ACOT9: variants seen among roughly 807,000 people sequenced by gnomAD.
ACOT9 encodes acyl-coenzyme A thioesterase 9, mitochondrial.
Under a neutral mutation model 39.7 loss-of-function variants are expected in ACOT9, and 34 were observed. That is an observed-to-expected ratio of 0.86 (90% CI 0.65 to 1.14). The LOEUF (loss-of-function observed/expected upper bound fraction) is 1.14. Among genes scored for constraint, ACOT9 ranks in the 50% most tolerant of loss-of-function variants. The pLI is 0.00. For missense variants in ACOT9, 313 were observed against 344.1 expected, an observed-to-expected ratio of 0.91 and a Z score of 0.71; for synonymous variants, 110 against 120.5, an observed-to-expected ratio of 0.91 and a Z score of 0.57.
intron 4 of ACOT9, among the ~76,000 whole-genome samples, chrX:23,731,823 CAT>C (rs1013588114): frequency 7.3e-5 from 8 of 109,043 alleles, no homozygotes; most frequent in African/African-American, 2.7e-4. Flanking sequence ...TAAAGAAGAA[CAT>C]AACATGAAAA....
intron 1 of ACOT9, 62 bp downstream of exon 1, chrX:23,743,063 G>A (rs1920996995): frequency 9.0e-7 from 1 of 1,111,142 alleles, no homozygotes; most frequent in Non-Finnish European, 1.2e-6. Context: ...CGAAGCTCTA[G>A]GGGAAGACGA....
chrX:23,710,370 G>T (rs909776434), intron 9 of ACOT9, among the ~76,000 whole-genome samples: 2 of 111,628 alleles, frequency 1.8e-5, no homozygotes, highest in African/African-American at 6.5e-5. Context: ...TCCAGGCCTG[G>T]GGCAGGAAAT....
At chrX:23,730,674 T>G in intron 5 of ACOT9, 110 bp from the exon 6 acceptor site, 1 of 957,685 alleles carries the variant, frequency 1.0e-6, no homozygotes, top group Non-Finnish European at 1.5e-6. Context: ...ACTGTGGTGA[T>G]GGATGCACAA....
intron 10 of ACOT9, 58 bp downstream of exon 10, chrX:23,707,819 T>C (rs1411500627): frequency 5.7e-6 from 5 of 880,096 alleles, no homozygotes; most frequent in Non-Finnish European, 6.4e-6. Flanking sequence ...AATAATCTCT[T>C]CTGCAGCGTA....
intron 8 of ACOT9, 73 bp from the exon 9 acceptor site, chrX:23,713,281 G>A (rs1250351642): frequency 3.4e-6 from 3 of 893,756 alleles, no homozygotes; most frequent in African/African-American, 2.0e-5. Context: ...GATTCTAACA[G>A]ACGGTATGTA....
At chrX:23,730,090 C>T (rs900356760) in intron 6 of ACOT9, among the ~76,000 whole-genome samples, 4 of 62,924 alleles carry the variant, frequency 6.4e-5, no homozygotes, top group Non-Finnish European at 8.1e-5. Context: ...GTAGTAGATG[C>T]CATTTTTTTT....
chrX:23,719,819 C>A (rs1023970114), intron 8 of ACOT9, among the ~76,000 whole-genome samples: 7 of 103,068 alleles, frequency 6.8e-5, no homozygotes, highest in Admixed American at 1.1e-4. Context: ...CTACTCAATA[C>A]CCTGGCATAA....
At chrX:23,716,272 C>T (rs191995337) in intron 8 of ACOT9, among the ~76,000 whole-genome samples, 1 of 112,247 alleles carries the variant, frequency 8.9e-6, no homozygotes, top group African/African-American at 3.2e-5. Context: ...CACTCACTCC[C>T]AGTTGAATAT....
At chrX:23,725,742 A>G (rs1250523714) in intron 6 of ACOT9, among the ~76,000 whole-genome samples, 2 of 108,744 alleles carry the variant, frequency 1.8e-5, no homozygotes, top group African/African-American at 6.7e-5. Context: ...TGCTTGAGCC[A>G]GGAGGTCAAG....
chrX:23,708,314 T>A (rs1458244481), intron 9 of ACOT9, among the ~76,000 whole-genome samples: 3 of 110,946 alleles, frequency 2.7e-5, no homozygotes, highest in African/African-American at 9.8e-5. Flanking sequence ...GGGGATCACC[T>A]GAAGTTGGGA....
chrX:23,735,862 T>C (rs748408497), intron 2 of ACOT9, 57 bp downstream of exon 2: 19 of 1,069,275 alleles, frequency 1.8e-5, no homozygotes, highest in Non-Finnish European at 2.2e-5. Context: ...ACCTTTCAAA[T>C]AAAAGTAAAA....
At chrX:23,731,376 C>A (rs920497682) in intron 4 of ACOT9, among the ~76,000 whole-genome samples, 1 of 108,171 alleles carries the variant, frequency 9.2e-6, no homozygotes, top group Non-Finnish European at 1.9e-5. Context: ...ACTTGGTAGG[C>A]TGAGGCAGGA....
chrX:23,707,464 C>A (rs1482822422), intron 10 of ACOT9, among the ~76,000 whole-genome samples: 2 of 111,557 alleles, frequency 1.8e-5, no homozygotes, highest in Non-Finnish European at 3.8e-5. Context: ...TTGGGCCAGG[C>A]ACAATGGCTC....
intron 2 of ACOT9, among the ~76,000 whole-genome samples, chrX:23,734,913 C>T (rs1929879932): frequency 1.1e-5 from 1 of 93,165 alleles, no homozygotes; most frequent in Non-Finnish European, 2.0e-5. Flanking sequence ...ACCTGGGAGG[C>T]GGAGGTTGCA....
intron 4 of ACOT9, 44 bp from the exon 5 acceptor site, chrX:23,731,030 A>G (rs1337120861): frequency 8.9e-7 from 1 of 1,118,379 alleles, no homozygotes; most frequent in Admixed American, 2.4e-5. Flanking sequence ...GAGCAGTTCT[A>G]GCCCACAATT....
intron 8 of ACOT9, among the ~76,000 whole-genome samples, chrX:23,719,841 A>ATT (rs758925800): frequency 0.12 from 11,963 of 100,811 alleles, 685 homozygotes; most frequent in East Asian, 0.37. Flanking sequence ...TGAATAAGTC[A>ATT]TTTTTTTTTT....
chrX:23,741,027 C>T (rs1930126423), intron 1 of ACOT9, among the ~76,000 whole-genome samples: 1 of 108,705 alleles, frequency 9.2e-6, no homozygotes, highest in African/African-American at 3.4e-5. Context: ...TGCTAAATGA[C>T]GAGTTAATGG....
chrX:23,735,694 G>A (rs1045524133), intron 2 of ACOT9, among the ~76,000 whole-genome samples: 3 of 111,290 alleles, frequency 2.7e-5, no homozygotes, highest in African/African-American at 9.8e-5. Context: ...AAAGAGCTCA[G>A]TCCTCAAGGC....
intron 1 of ACOT9, among the ~76,000 whole-genome samples, chrX:23,742,205 T>TGAGA (rs1490829230): frequency 3.1e-5 from 2 of 65,547 alleles, no homozygotes; most frequent in African/African-American, 7.0e-5. Context: ...CCAGGAACAG[T>TGAGA]GAGTGAGTGA....
Sources: gnomAD v4.1 joint callset for allele counts (sites outside exome capture counted in the v4.1 genomes callset) on GRCh38, gnomAD v4.1.1 for gene constraint, MANE v1.5 for transcripts, NCBI Gene and HGNC (gene_info 2026-07-23, HGNC 2026-07-21) for gene names.